Variants in MACROD2 observed in about 807,000 individuals in gnomAD.
MACROD2 encodes the protein ADP-ribose glycohydrolase MACROD2.
In MACROD2, 36 loss-of-function variants were observed where a neutral mutation model predicts 70.4. The ratio of observed to expected loss-of-function variants is 0.51; its 90% confidence interval spans 0.39 to 0.68. The LOEUF is 0.68. Ranked by LOEUF, MACROD2 falls within the 30% of genes least tolerant of loss-of-function variation. The pLI, the probability that MACROD2 is intolerant of heterozygous loss-of-function variation, is 0.00. For synonymous variants in MACROD2, 172 were observed against 178.8 expected (o/e 0.96, Z 0.30); for missense variants, 496 against 538.4 (o/e 0.92, Z 0.78).
intron 8 of MACROD2, among the ~76,000 whole-genome samples, chr20:15,530,038 T>A (rs1295595806): frequency 6.6e-6 from 1 of 152,198 alleles, no homozygotes; most frequent in African/African-American, 2.4e-5. Flanking sequence ...AAGCTTGTAT[T>A]TGAAACAGAA....
rs2050732832 is a variant in MACROD2 at position 15,718,099 on chromosome 20, A to G, written c.646-144646A>G. 2.8e-5 allele frequency among the ~76,000 whole-genome samples: 4 copies of G among 145,098 alleles called. No homozygotes were observed. In the South Asian group the frequency reaches 8.7e-4, roughly 31 times the overall value. ...GCAGTGGTACGAATTTCCGGCCCCCAGGTTCAAGTGATTCTCCTGCCTCAG... is the reference window on the plus strand; with the variant it reads ...GCAGTGGTACGAATTTCCGGCCCCCGGGTTCAAGTGATTCTCCTGCCTCAG... On this transcript the variant is annotated intron_variant, in intron 8 of 17. Coordinates refer to ENST00000684519, the MANE Select transcript of MACROD2 (RefSeq NM_001351661.2).
chr20:15,215,458 G>A (rs758486722), intron 5 of MACROD2, among the ~76,000 whole-genome samples: 2 of 151,908 alleles, frequency 1.3e-5, no homozygotes, highest in Non-Finnish European at 2.9e-5. Context: ...GCATAATTTG[G>A]TGAGCAATTA....
intron 15 of MACROD2, among the ~76,000 whole-genome samples, chr20:16,024,498 C>CACACACACACAG (rs1555809841): frequency 4.9e-4 from 41 of 83,424 alleles, no homozygotes; most frequent in Admixed American, 4.2e-3. Context: ...CAGCCATGTT[C>CACACACACACAG]ACACACACAC....
At chr20:14,616,693 A>T (rs1983501119) in intron 4 of MACROD2, among the ~76,000 whole-genome samples, 1 of 152,096 alleles carries the variant, frequency 6.6e-6, no homozygotes, top group Admixed American at 6.6e-5. Flanking sequence ...GTATGACTTA[A>T]TATTGTTTTA....
chr20:14,420,813 T>G (rs1374894188), intron 3 of MACROD2, among the ~76,000 whole-genome samples: 1 of 152,132 alleles, frequency 6.6e-6, no homozygotes, highest in Non-Finnish European at 1.5e-5. Flanking sequence ...CACCTCAGCC[T>G]CCCAACTAGC....
chr20:15,046,567 G>T (rs1027980821), intron 5 of MACROD2, among the ~76,000 whole-genome samples: 2 of 152,164 alleles, frequency 1.3e-5, no homozygotes, highest in African/African-American at 4.8e-5. Context: ...ATGCATGTAT[G>T]TATTAAGAAA....
chr20:15,281,982 T>A (rs1208290617), intron 6 of MACROD2, among the ~76,000 whole-genome samples: 1 of 152,242 alleles, frequency 6.6e-6, no homozygotes, highest in African/African-American at 2.4e-5. Flanking sequence ...TTCTTGACTT[T>A]TATGTACCTG....
intron 5 of MACROD2, among the ~76,000 whole-genome samples, chr20:14,767,831 C>T (rs1425492018): frequency 2.0e-5 from 3 of 151,832 alleles, no homozygotes; most frequent in East Asian, 1.9e-4. Flanking sequence ...TGATTTTCCC[C>T]TCCCTGTGTC....
At chr20:14,292,514 G>C (rs144726065) in intron 3 of MACROD2, among the ~76,000 whole-genome samples, 1 of 151,916 alleles carries the variant, frequency 6.6e-6, no homozygotes, top group Non-Finnish European at 1.5e-5. Flanking sequence ...AGTGACTGCT[G>C]CACCTTTCTT....
At chr20:14,915,662 C>T (rs545635237) in intron 5 of MACROD2, among the ~76,000 whole-genome samples, 1 of 152,306 alleles carries the variant, frequency 6.6e-6, no homozygotes, top group African/African-American at 2.4e-5. Flanking sequence ...CTACTGGCAC[C>T]TGCACTGACA....
chr20:15,127,613 T>G (rs1181314453), intron 5 of MACROD2, among the ~76,000 whole-genome samples: 1 of 152,060 alleles, frequency 6.6e-6, no homozygotes, highest in Non-Finnish European at 1.5e-5. Context: ...GCTTCAGTTC[T>G]TCTCCTTATG....
At chr20:15,781,040 T>A (rs2147038083) in intron 8 of MACROD2, among the ~76,000 whole-genome samples, 1 of 152,320 alleles carries the variant, frequency 6.6e-6, no homozygotes, top group South Asian at 2.1e-4. Flanking sequence ...GCATGCTTAA[T>A]AAACATATTG....
intron 8 of MACROD2, among the ~76,000 whole-genome samples, chr20:15,753,121 T>A (rs1200286332): frequency 6.6e-6 from 1 of 152,140 alleles, no homozygotes; most frequent in Non-Finnish European, 1.5e-5. Flanking sequence ...ATTAATTTTT[T>A]AAATATATTT....
intron 3 of MACROD2, among the ~76,000 whole-genome samples, chr20:14,243,101 G>T (rs2081942605): frequency 1.3e-5 from 2 of 152,100 alleles, no homozygotes; most frequent in South Asian, 4.2e-4. Context: ...TATGCTTGAG[G>T]ACTCCCCTTT....
intron 6 of MACROD2, among the ~76,000 whole-genome samples, chr20:15,355,115 A>G (rs897477936): frequency 6.6e-6 from 1 of 152,220 alleles, no homozygotes; most frequent in African/African-American, 2.4e-5. Context: ...CTATAATACA[A>G]TTCTGATGCA....
chr20:14,228,009 A>G (rs1316160293), intron 3 of MACROD2, among the ~76,000 whole-genome samples: 1 of 152,154 alleles, frequency 6.6e-6, no homozygotes, highest in Non-Finnish European at 1.5e-5. Context: ...GGGCAAGATA[A>G]TAGTATTATG....
chr20:14,600,948 G>A (rs903876807), intron 4 of MACROD2, among the ~76,000 whole-genome samples: 7 of 152,166 alleles, frequency 4.6e-5, no homozygotes, highest in Admixed American at 2.0e-4. Context: ...AGAGAGCACA[G>A]GCTTTGCATT....
intron 3 of MACROD2, among the ~76,000 whole-genome samples, chr20:14,442,364 A>G (rs1410351123): frequency 6.6e-6 from 1 of 152,124 alleles, no homozygotes; most frequent in Non-Finnish European, 1.5e-5. Context: ...AAATTAAATA[A>G]GCAGGTGAAT....
chr20:14,361,357 T>C (rs1159076317), intron 3 of MACROD2, among the ~76,000 whole-genome samples: 2 of 152,182 alleles, frequency 1.3e-5, no homozygotes, highest in African/African-American at 4.8e-5. Flanking sequence ...AAACTGACAT[T>C]GTGACTCCTC....
Sources: allele counts gnomAD v4.1 joint callset (sites outside exome capture counted in the v4.1 genomes callset), GRCh38; gene constraint gnomAD v4.1.1; transcripts MANE v1.5; gene names NCBI Gene and HGNC (gene_info 2026-07-23, HGNC 2026-07-21).